The following RAB11FIP1 variants were observed in gnomAD, a reference collection of about 807,000 sequenced individuals.
The protein encoded by RAB11FIP1 is RAB11 family interacting protein 1, also known as rab11 family-interacting protein 1.
A neutral mutation model predicts 83.1 loss-of-function variants in RAB11FIP1; 49 were observed. The ratio of observed to expected loss-of-function variants is 0.59; its 90% CI spans 0.47 to 0.75. The LOEUF (loss-of-function observed/expected upper bound fraction) is 0.75. Ranked by LOEUF, RAB11FIP1 falls within the 30% of genes least tolerant of loss-of-function variation. RAB11FIP1 has a pLI of 0.00. For missense variants in RAB11FIP1, 1,536 were observed against 1,598.7 expected, an observed-to-expected ratio of 0.96 and a Z score of 0.67; for synonymous variants, 670 against 656.0, an observed-to-expected ratio of 1.02 and a Z score of -0.33.
At chr8:37,867,826 C>T (rs1806372665) in intron 5 of RAB11FIP1, among the ~76,000 whole-genome samples, 1 of 152,158 alleles carries the variant, frequency 6.6e-6, no homozygotes, top group African/African-American at 2.4e-5. Context: ...TTTCAGCAAT[C>T]ATCAGTTATG....
Position 37,877,297 on chromosome 8 carries a change from T to A in RAB11FIP1, c.626A>T (p.Lys209Ile). Residue 209 changes from lysine to isoleucine, a missense_variant, in exon 2 of 6, where the codon AAA becomes ATA. Physicochemically the swap from Lys to Ile is moderately radical, Grantham distance 102. Coordinates refer to ENST00000330843, the MANE Select transcript of RAB11FIP1 (RefSeq NM_001002814.3). ...SVDSDDESVV[K>I]DKKKKSKIKT... ...GATCTTTGATTTCTTTTTCTTGTCT[T>A]TAACCACAGACTCATCATCACTGTC... The A allele has an allele frequency of 6.2e-7, 1 of 1,614,210 alleles. No homozygotes were observed. Among genetic ancestry groups the A allele is most frequent in the Non-Finnish European group, 8.5e-7 (1 of 1,180,030 alleles).
At chr8:37,891,401 G>GT (rs1563375231) in intron 1 of RAB11FIP1, among the ~76,000 whole-genome samples, 1 of 152,150 alleles carries the variant, frequency 6.6e-6, no homozygotes, top group African/African-American at 2.4e-5. Context: ...TTTCCAGGGC[G>GT]TATAGCAATG....
chr8:37,874,543 C>T lies in RAB11FIP1; in HGVS notation c.1594G>A (p.Ala532Thr). The T allele has an allele frequency of 6.2e-7, 1 of 1,614,174 alleles. No individual in the cohort carries two copies. The highest frequency in any genetic ancestry group is 8.5e-7 in the Non-Finnish European group (1 of 1,180,006). ...EPRPPISSPR[A>T]PQTRAVKPRL... The stretch of plus-strand genomic sequence containing the variant: ...GGCTTGACAGCTCTGGTCTGGGGAG[C>T]CCTCGGAGAGGAAATTGGAGGTCTC... The change falls in exon 3 of 6, where the codon GCT (alanine) becomes ACT (threonine). Residue 532 changes from alanine to threonine, a missense_variant. By Grantham distance (58) the Ala-to-Thr change is moderately conservative. Transcript: ENST00000330843.
At chr8:37,891,826 T>TTCATC (rs1316043057) in intron 1 of RAB11FIP1, among the ~76,000 whole-genome samples, 1 of 152,224 alleles carries the variant, frequency 6.6e-6, no homozygotes, top group African/African-American at 2.4e-5. Context: ...AAGCAGTGAC[T>TTCATC]TCATCTGCTG....
intron 4 of RAB11FIP1, 144 bp downstream of exon 4, chr8:37,871,134 C>T: frequency 9.2e-7 from 1 of 1,092,692 alleles, no homozygotes; most frequent in Non-Finnish European, 1.3e-6. Context: ...ATTACCACCA[C>T]AAGGGGCAGC....
chr8:37,861,749 A>C lies in RAB11FIP1; in HGVS notation c.*1146T>G, dbSNP rs953790590. On this transcript the variant is annotated 3_prime_UTR_variant, in exon 6 of 6. Transcript: ENST00000330843. ...GATTACAGGCACGCACCACCATGCCAAGCTAATTTTTGTATTTTTAGTAGA... is the reference window on the plus strand; with the variant it reads ...GATTACAGGCACGCACCACCATGCCCAGCTAATTTTTGTATTTTTAGTAGA... 11 of 350,514 alleles carry C rather than the reference A, an allele frequency of 3.1e-5. No individual in the cohort carries two copies. Among genetic ancestry groups the C allele is most frequent in the Non-Finnish European group, 4.4e-5 (8 of 181,282 alleles). 21.7% of individuals were successfully genotyped at this position (350,514 alleles called of 1,614,324 possible).
At chr8:37,871,084 C>G (rs1323371832) in intron 4 of RAB11FIP1, 194 bp downstream of exon 4, 2 of 646,668 alleles carry the variant, frequency 3.1e-6, no homozygotes, top group African/African-American at 3.7e-5. Context: ...TTACAGACTA[C>G]TATTATGTTC....
chr8:37,893,226 G>A (rs779189019), intron 1 of RAB11FIP1, among the ~76,000 whole-genome samples: 7 of 151,542 alleles, frequency 4.6e-5, no homozygotes, highest in Non-Finnish European at 7.4e-5. Context: ...AGGTGCACAC[G>A]ACCACACTCA....
At chr8:37,868,422 CAAA>C (rs796819866) in intron 5 of RAB11FIP1, among the ~76,000 whole-genome samples, 4 of 57,692 alleles carry the variant, frequency 6.9e-5, no homozygotes, top group Admixed American at 2.0e-4. Flanking sequence ...AACTCCATCT[CAAA>C]AAAAAAAAAA....
intron 5 of RAB11FIP1, among the ~76,000 whole-genome samples, chr8:37,866,920 T>C (rs1159184703): frequency 1.3e-5 from 2 of 151,530 alleles, no homozygotes; most frequent in African/African-American, 4.9e-5. Context: ...AAGAGATGTG[T>C]TGCAGGCAGG....
chr8:37,882,379 A>G (rs1806748404), intron 1 of RAB11FIP1, among the ~76,000 whole-genome samples: 1 of 152,202 alleles, frequency 6.6e-6, no homozygotes, highest in Non-Finnish European at 1.5e-5. Context: ...GAGTGTTCTA[A>G]TATCCCCAAA....
At chr8:37,881,662 G>A (rs959042682) in intron 1 of RAB11FIP1, among the ~76,000 whole-genome samples, 54 of 152,112 alleles carry the variant, frequency 3.6e-4, no homozygotes, top group African/African-American at 9.2e-4. Context: ...CTGGGCAGGC[G>A]GGGAGTGGTG....
rs1806273452 is a variant in RAB11FIP1 at position 37,863,076 on chromosome 8, T to C, written c.3671A>G (p.Gln1224Arg). 6.2e-7 allele frequency: 1 copy of C among 1,612,582 alleles called. No individual in the cohort carries two copies. The highest frequency in any genetic ancestry group is 2.2e-5 in the East Asian group (1 of 44,854). The part of the protein sequence containing the change: ...SPSDPAFAYA[Q>R]LTHDELIQLV... ...CTGAATCAGCTCATCGTGGGTCAGC[T>C]GCGCATATGCAAATGCAGGGTCCGA... is the stretch of plus-strand genomic sequence containing the variant. Residue 1224 changes from glutamine (Q) to arginine (R), a missense_variant, in exon 6 of 6, where the codon CAG becomes CGG. Gln to Arg is a conservative substitution (Grantham distance 43, BLOSUM62 1). Coordinates refer to ENST00000330843, the MANE Select transcript of RAB11FIP1 (RefSeq NM_001002814.3).
At chr8:37,871,009 G>A (rs776001886) in intron 4 of RAB11FIP1, 1 of 428,900 alleles carries the variant, frequency 2.3e-6, no homozygotes, top group Non-Finnish European at 4.2e-6. Flanking sequence ...AGATACTGGT[G>A]GCATTGCGTT....
rs573398848 is a variant in RAB11FIP1, at chr8:37,863,829, G to A, written c.3634-716C>T. 3.5e-4 allele frequency among the ~76,000 whole-genome samples: 54 copies of A among 152,302 alleles called. 2 individuals are homozygous for A. Among genetic ancestry groups the A allele is most frequent in the African/African-American group, 1.3e-3 (53 of 41,566 alleles). On this transcript the variant is annotated intron_variant, in intron 5 of 5. Coordinates refer to ENST00000330843, the MANE Select transcript of RAB11FIP1 (RefSeq NM_001002814.3). The stretch of plus-strand genomic sequence containing the variant: ...TGGGAGGACTCAGTTCTCCAAATGA[G>A]TGCTCACTCCTTTGGGAACACTAGG...
intron 1 of RAB11FIP1, among the ~76,000 whole-genome samples, chr8:37,884,358 C>T (rs1333868356): frequency 1.3e-5 from 2 of 151,882 alleles, no homozygotes; most frequent in African/African-American, 2.4e-5. Flanking sequence ...CTACCACACC[C>T]GGCCAACATA....
intron 5 of RAB11FIP1, among the ~76,000 whole-genome samples, chr8:37,865,383 G>A (rs190268991): frequency 8.7e-5 from 13 of 149,654 alleles, no homozygotes; most frequent in African/African-American, 1.7e-4. Flanking sequence ...GCAGTGACAC[G>A]ATCTCGGCTC....
chr8:37,872,420 C>A lies in RAB11FIP1; in HGVS notation c.2382G>T (p.Met794Ile). 2.5e-6 allele frequency: 4 copies of A among 1,614,182 alleles called. No individual in the cohort carries two copies. Among genetic ancestry groups the A allele is most frequent in the Non-Finnish European group, 3.4e-6 (4 of 1,180,014 alleles). ...TCTGGTCCTTGCGGAGGTTCAGACC[C>A]ATCTCTTCCAGCTTCCGCATCATGG... ...IDSMMRKLEE[M>I]GLNLRKDQKK... The change falls in exon 4 of 6, where the codon ATG becomes ATT. Residue 794 changes from methionine to isoleucine, a missense_variant. Transcript: ENST00000330843.
intron 1 of RAB11FIP1, among the ~76,000 whole-genome samples, chr8:37,893,737 C>CTG (rs943082454): frequency 6.6e-6 from 1 of 152,058 alleles, no homozygotes; most frequent in African/African-American, 2.4e-5. Context: ...CTGCAGTGAG[C>CTG]TGTGATCATG....
Sources: allele counts gnomAD v4.1 joint callset (sites outside exome capture counted in the v4.1 genomes callset), GRCh38; gene constraint gnomAD v4.1.1; transcripts MANE v1.5; gene names NCBI Gene and HGNC (gene_info 2026-07-23, HGNC 2026-07-21).